Variants in MROH7 observed in about 807,000 individuals in gnomAD.
MROH7 encodes the protein maestro heat-like repeat-containing protein family member 7.
MROH7 carries 113 observed loss-of-function variants against 129.2 expected under a neutral mutation model. The observed-to-expected ratio is 0.87, with a 90% confidence interval of 0.75 to 1.02. The LOEUF (loss-of-function observed/expected upper bound fraction) is 1.02, where lower values mean the gene tolerates loss of function less well. Among genes scored for constraint, MROH7 ranks in the 50% least tolerant of loss-of-function variants. The probability of loss-of-function intolerance (pLI) is 0.00; values close to 1 mark genes in which losing one functional copy is unlikely to be tolerated. For synonymous variants in MROH7, 655 were observed against 667.9 expected (o/e 0.98, Z 0.30); for missense variants, 1,601 against 1,671.3 (o/e 0.96, Z 0.73).
At chr1:54,672,739 C>T (rs114336269) in intron 7 of MROH7, among the ~76,000 whole-genome samples, 3,257 of 152,242 alleles carry the variant, frequency 0.021, 41 homozygotes, top group South Asian at 0.038. Flanking sequence ...ACAAGTGTCC[C>T]TGTCCCTTCA....
intron 4 of MROH7, among the ~76,000 whole-genome samples, chr1:54,667,251 AT>A (rs1488897803): frequency 6.6e-6 from 1 of 152,138 alleles, no homozygotes; most frequent in Admixed American, 6.6e-5. Flanking sequence ...TAAATTAGCC[AT>A]CCCTCTGTCA....
At chr1:54,659,069 C>CTG (rs758186364) in intron 3 of MROH7, 10 of 430,926 alleles carry the variant, frequency 2.3e-5, no homozygotes, top group Non-Finnish European at 4.6e-5. Context: ...ACTGTATTTA[C>CTG]TGTGTGTGGT....
At chr1:54,687,457 C>T (rs1431983811) in intron 15 of MROH7, among the ~76,000 whole-genome samples, 1 of 152,262 alleles carries the variant, frequency 6.6e-6, no homozygotes, top group African/African-American at 2.4e-5. Flanking sequence ...AACCAGGCTT[C>T]TCTGGATTTC....
rs771817980 is a variant in MROH7, at chr1:54,668,884, C to A, written c.1336C>A (p.Gln446Lys). 2 of 1,613,722 alleles carry A rather than the reference C, an allele frequency of 1.2e-6. No individual in the cohort carries two copies. Among genetic ancestry groups the A allele is most frequent in the East Asian group, 4.5e-5 (2 of 44,864 alleles). ...GAATGTCACCACCCTTCAGAAGAGC[C>A]AGGATCTGCTGGAGGCAGAAGGAGA... The part of the protein sequence containing the change: ...VENVTTLQKS[Q>K]DLLEAEGEKK... The change falls in exon 5 of 24, where the codon CAG becomes AAG. Residue 446 changes from glutamine to lysine, a missense_variant. Physicochemically the swap from Gln to Lys is moderately conservative, Grantham distance 53. Transcript: ENST00000421030.
At chr1:54,666,378 G>T (rs1360880636) in intron 4 of MROH7, among the ~76,000 whole-genome samples, 1 of 150,988 alleles carries the variant, frequency 6.6e-6, no homozygotes, top group Non-Finnish European at 1.5e-5. Flanking sequence ...GAAAAAATGG[G>T]GGCTTGGATC....
intron 23 of MROH7, 145 bp from the exon 24 acceptor site, chr1:54,709,801 T>C: frequency 9.9e-7 from 1 of 1,009,336 alleles, no homozygotes; most frequent in Non-Finnish European, 1.5e-6. Context: ...ATGTGAATAA[T>C]TTGAATTGCC....
At chr1:54,682,901 G>A (rs1262850906) in intron 14 of MROH7, 107 bp downstream of exon 14, 1 of 1,271,512 alleles carries the variant, frequency 7.9e-7, no homozygotes, top group East Asian at 2.4e-5. Flanking sequence ...CACTCTGCCA[G>A]TAACTAGTTG....
chr1:54,709,054 T>C lies in MROH7; in HGVS notation c.3708T>C (p.Asp1236=), dbSNP rs1645580994. Residue 1236 remains aspartate (D), a synonymous_variant, in exon 23 of 24, where the codon GAT becomes GAC. Transcript: ENST00000421030. The part of the protein sequence containing the change: ...VPCMESIMTE[D]RLNEVKAALD... ...GCATGGAGAGCATAATGACAGAAGATCGTCTGAATGAAGTGAAAGCTGGTA... is the reference window on the plus strand; with the variant it reads ...GCATGGAGAGCATAATGACAGAAGACCGTCTGAATGAAGTGAAAGCTGGTA... 1.2e-6 allele frequency: 2 copies of C among 1,614,062 alleles called. No individual in the cohort carries two copies. The highest frequency in any genetic ancestry group is 1.7e-5 in the Admixed American group (1 of 60,000).
intron 15 of MROH7, among the ~76,000 whole-genome samples, chr1:54,687,717 A>G (rs4927149): frequency 0.17 from 25,516 of 152,030 alleles, 2,356 homozygotes; most frequent in East Asian, 0.29. Context: ...TGCCACCAGC[A>G]GTGTATGAGT....
At chr1:54,684,483 C>T (rs1455947372) in intron 14 of MROH7, among the ~76,000 whole-genome samples, 1 of 152,260 alleles carries the variant, frequency 6.6e-6, no homozygotes, top group Non-Finnish European at 1.5e-5. Context: ...TCTTTAGTCA[C>T]TCATTTGTGC....
intron 3 of MROH7, among the ~76,000 whole-genome samples, chr1:54,658,171 A>G (rs1160225039): frequency 6.6e-6 from 1 of 152,160 alleles, no homozygotes; most frequent in Non-Finnish European, 1.5e-5. Flanking sequence ...TAGGTACCTC[A>G]TATAACGACT....
chr1:54,653,165 C>G lies in MROH7; in HGVS notation c.239C>G (p.Thr80Ser), dbSNP rs779864108. The G allele has an allele frequency of 2.5e-6, 4 of 1,614,146 alleles. No individual in the cohort carries two copies. The South Asian group carries it at 4.4e-5, about 18-fold the overall frequency. ...GEASGLVSEN[T>S]PRPDDSRAIA... ...GCCTCAGGCCTGGTGTCTGAAAACACCCCCAGACCTGATGACAGCAGAGCT... is the reference window on the plus strand; with the variant it reads ...GCCTCAGGCCTGGTGTCTGAAAACAGCCCCAGACCTGATGACAGCAGAGCT... The change falls in exon 3 of 24, where the codon ACC becomes AGC. Residue 80 changes from threonine to serine, a missense_variant. Transcript: ENST00000421030.
intron 10 of MROH7, among the ~76,000 whole-genome samples, chr1:54,675,531 C>T (rs909812420): frequency 6.6e-6 from 1 of 151,812 alleles, no homozygotes. Context: ...GTGGTATAAG[C>T]CATGTTAATA....
chr1:54,706,526 T>A lies in MROH7; in HGVS notation c.3656T>A (p.Val1219Asp), dbSNP rs779991896. 1.2e-6 allele frequency: 2 copies of A among 1,612,676 alleles called. No homozygotes were observed. The highest frequency in any genetic ancestry group is 1.7e-5 in the Admixed American group (1 of 59,950). Residue 1219 changes from valine (V) to aspartate (D), a missense_variant, in exon 22 of 24, where the codon GTC becomes GAC. Coordinates refer to ENST00000421030, the MANE Select transcript of MROH7 (RefSeq NM_001039464.4). ...CGGGCCTCCCTCCGGAAGTGCTCAGTCATGTTCATAGGTAACCTGCCCTGG... is the reference window on the plus strand; with the variant it reads ...CGGGCCTCCCTCCGGAAGTGCTCAGACATGTTCATAGGTAACCTGCCCTGG... The part of the protein sequence containing the change: ...NSRASLRKCS[V>D]MFIGSLVPCM...
rs923553677 is a variant in MROH7 at position 54,700,547 on chromosome 1, G to A, written c.3105+86G>A. 1.6e-5 allele frequency: 22 copies of A among 1,338,158 alleles called. No homozygotes were observed. The Admixed American group carries it at 5.5e-4, about 33-fold the overall frequency. The allele number at this position is 1,338,158 out of a possible 1,614,324, so 82.9% of individuals were successfully genotyped here. A position where few individuals can be genotyped will look rare whatever the true frequency, so the allele number is the denominator to read the frequency against. On this transcript the variant is annotated intron_variant, in intron 18 of 23. Transcript: ENST00000421030. The stretch of plus-strand genomic sequence containing the variant: ...GCTTCACCATTATAGTACCTCAGAA[G>A]CCCACAGCTGGAATGAGACATCATT...
At chr1:54,677,358 C>T (rs1644998390) in intron 10 of MROH7, among the ~76,000 whole-genome samples, 1 of 152,188 alleles carries the variant, frequency 6.6e-6, no homozygotes, top group Non-Finnish European at 1.5e-5. Context: ...AAGATCACAC[C>T]ACTGCACTCC....
intron 12 of MROH7, 149 bp downstream of exon 12, chr1:54,679,588 C>A: frequency 1.1e-6 from 1 of 913,498 alleles, no homozygotes; most frequent in Non-Finnish European, 1.6e-6. Context: ...GTGCTGGTGG[C>A]TGAGTTCTAG....
chr1:54,655,537 G>A lies in MROH7; in HGVS notation c.1231+1380G>A, dbSNP rs1056159354. Among the ~76,000 whole-genome samples the A allele has an allele frequency of 1.1e-4, 16 of 151,120 alleles. No homozygotes were observed. The East Asian group carries it at 3.2e-3, about 30-fold the overall frequency. On this transcript the variant is annotated intron_variant, in intron 3 of 23. Coordinates refer to ENST00000421030, the MANE Select transcript of MROH7 (RefSeq NM_001039464.4). The stretch of plus-strand genomic sequence containing the variant: ...AGGTGCACACCACACCACCACACCT[G>A]AGTAATTTTATTTTTTATTTTTTGT...
chr1:54,679,445 G>A lies in MROH7; in HGVS notation c.2226+6G>A, dbSNP rs750162051. The A allele has an allele frequency of 1.2e-6, 2 of 1,610,572 alleles. No individual in the cohort carries two copies. Among genetic ancestry groups the A allele is most frequent in the Non-Finnish European group, 8.5e-7 (1 of 1,177,870 alleles). On this transcript the variant is annotated splice_donor_region_variant and intron_variant, in intron 12 of 23. Transcript: ENST00000421030. ...GCCACAGGGCGCTGGAGGTGGTAAG[G>A]CCTCCTGGGGGCAGGGAGTGAACTG...
Sources: allele counts gnomAD v4.1 joint callset (sites outside exome capture counted in the v4.1 genomes callset), GRCh38; gene constraint gnomAD v4.1.1; transcripts MANE v1.5; gene names NCBI Gene and HGNC (gene_info 2026-07-23, HGNC 2026-07-21).